The following NLRP8 variants were observed in gnomAD, a reference collection of about 807,000 sequenced individuals.
NLRP8 encodes the protein NACHT, LRR and PYD domains-containing protein 8.
A neutral mutation model predicts 88.7 loss-of-function variants in NLRP8; 86 were observed. The ratio of observed to expected loss-of-function variants is 0.97; its 90% CI spans 0.81 to 1.16. The LOEUF is 1.16. Ranked by LOEUF, NLRP8 falls within the 50% of genes most tolerant of loss-of-function variation. The pLI is 0.00. For missense variants in NLRP8, 1,342 were observed against 1,286.5 expected, an observed-to-expected ratio of 1.04 and a Z score of -0.66; for synonymous variants, 504 against 494.6, an observed-to-expected ratio of 1.02 and a Z score of -0.25.
At chr19:55,972,695 T>C (rs999383096) in intron 6 of NLRP8, among the ~76,000 whole-genome samples, 1 of 152,042 alleles carries the variant, frequency 6.6e-6, no homozygotes, top group Non-Finnish European at 1.5e-5. Context: ...TTTCCATTCC[T>C]GAGTTACTTC....
intron 9 of NLRP8, among the ~76,000 whole-genome samples, chr19:55,984,900 C>T (rs1600321083): frequency 6.6e-6 from 1 of 152,322 alleles, no homozygotes; most frequent in East Asian, 1.9e-4. Flanking sequence ...AATGGGAACA[C>T]TGTCTTTCAA....
intron 3 of NLRP8, among the ~76,000 whole-genome samples, chr19:55,958,842 C>T (rs1326950198): frequency 3.4e-5 from 5 of 147,742 alleles, no homozygotes; most frequent in African/African-American, 1.0e-4. Context: ...TGAGCCACCG[C>T]GTCCAGCCAG....
Position 55,955,174 on chromosome 19 carries a change from C to G in NLRP8, c.1116C>G (p.His372Gln), listed in dbSNP as rs747700093. 2 of 1,614,094 alleles carry G rather than the reference C, an allele frequency of 1.2e-6. No individual in the cohort carries two copies. Among genetic ancestry groups the G allele is most frequent in the Non-Finnish European group, 1.7e-6 (2 of 1,179,954 alleles). ...AGTATTTCCAGATGTATTTTGGACA[C>G]ACAGAGGAGGGAGACCAAGTCTTGA... is the stretch of plus-strand genomic sequence containing the variant. The change falls in exon 3 of 10, where the codon CAC (histidine) becomes CAG (glutamine). Residue 372 changes from histidine (H) to glutamine (Q), a missense_variant. His to Gln is a conservative substitution (Grantham distance 24). Transcript: ENST00000291971.
chr19:55,979,092 C>T (rs1338566289), intron 8 of NLRP8, among the ~76,000 whole-genome samples: 2 of 152,128 alleles, frequency 1.3e-5, no homozygotes, highest in African/African-American at 4.8e-5. Flanking sequence ...ACTCTTGTGT[C>T]AAAAATGTCC....
At chr19:55,968,037 T>C (rs1979918444) in intron 5 of NLRP8, among the ~76,000 whole-genome samples, 1 of 152,236 alleles carries the variant, frequency 6.6e-6, no homozygotes, top group Non-Finnish European at 1.5e-5. Context: ...GGTAAACAAA[T>C]GGATACAGCT....
intron 3 of NLRP8, among the ~76,000 whole-genome samples, chr19:55,959,980 G>A (rs1979540419): frequency 6.6e-6 from 1 of 152,088 alleles, no homozygotes; most frequent in Non-Finnish European, 1.5e-5. Flanking sequence ...GGCTTGGGGG[G>A]TTCTTTCAGA....
At chr19:55,969,641 C>T (rs1319356553) in intron 5 of NLRP8, among the ~76,000 whole-genome samples, 6 of 150,742 alleles carry the variant, frequency 4.0e-5, no homozygotes, top group South Asian at 2.1e-4. Flanking sequence ...ATTGCTGGAT[C>T]GAATGGTAGT....
intron 2 of NLRP8, among the ~76,000 whole-genome samples, chr19:55,953,740 G>A (rs915847400): frequency 5.0e-5 from 7 of 140,658 alleles, no homozygotes; most frequent in Non-Finnish European, 9.1e-5. Flanking sequence ...CCTCGTGCCC[G>A]CCTCGGCCTC....
intron 1 of NLRP8, among the ~76,000 whole-genome samples, chr19:55,949,997 G>C (rs1323587942): frequency 1.3e-5 from 2 of 152,210 alleles, no homozygotes; most frequent in Non-Finnish European, 2.9e-5. Flanking sequence ...CTCATCATGT[G>C]AAAAGGAGAG....
At chr19:55,970,767 T>C in intron 6 of NLRP8, 71 bp downstream of exon 6, 1 of 1,589,892 alleles carries the variant, frequency 6.3e-7, no homozygotes, top group Non-Finnish European at 8.6e-7. Context: ...TTAGTGCTTC[T>C]GTGAGAAAAG....
chr19:55,964,787 AC>A (rs147519882), intron 4 of NLRP8, among the ~76,000 whole-genome samples: 1,735 of 151,936 alleles, frequency 0.011, 34 homozygotes, highest in African/African-American at 0.04. Flanking sequence ...CTAGTTAGCC[AC>A]CTCCGTTGTG....
rs74179653 is a variant in NLRP8, at chr19:55,986,509, C to CACACACAT, written c.3048-1305_3048-1304insACACACAT. Among the ~76,000 whole-genome samples, 3 of 145,734 alleles carry CACACACAT rather than the reference C, an allele frequency of 2.1e-5. No individual in the cohort carries two copies. The East Asian group carries it at 6.2e-4, about 30-fold the overall frequency. ...ACACACACACACACACACACACACA[C>CACACACAT]TAATTGCTTCAGGACAGCCAGCTGA... On this transcript the variant is annotated intron_variant, in intron 9 of 9. Coordinates refer to ENST00000291971, the MANE Select transcript of NLRP8 (RefSeq NM_176811.2).
chr19:55,978,186 T>C (rs547092038), intron 8 of NLRP8, among the ~76,000 whole-genome samples: 2 of 152,312 alleles, frequency 1.3e-5, no homozygotes, highest in East Asian at 3.9e-4. Context: ...GGTTTGCTGT[T>C]TAATTTAATT....
At position 55,957,987 on chromosome 19, in the gene NLRP8, A is replaced by C. The variant is rs1351911765; in HGVS notation, c.2042+1887A>C. Reference sequence around the variant, plus strand: ...TTGCCATATAGCAGACACAATGTCAAGCACTTGCTTTATGTGAATTATTTC... The same window carrying C: ...TTGCCATATAGCAGACACAATGTCACGCACTTGCTTTATGTGAATTATTTC... On this transcript the variant is annotated intron_variant, in intron 3 of 9. Coordinates refer to ENST00000291971, the MANE Select transcript of NLRP8 (RefSeq NM_176811.2). 2.0e-5 allele frequency among the ~76,000 whole-genome samples: 3 copies of C among 152,178 alleles called. No individual in the cohort carries two copies. The East Asian group carries it at 5.8e-4, about 29-fold the overall frequency.
At chr19:55,979,715 C>T in intron 9 of NLRP8, 151 bp downstream of exon 9, 1 of 796,328 alleles carries the variant, frequency 1.3e-6, no homozygotes, top group Non-Finnish European at 2.0e-6. Flanking sequence ...GTCTGGAGTT[C>T]AGACCAGCCT....
chr19:55,967,778 G>A (rs902220880), intron 5 of NLRP8, among the ~76,000 whole-genome samples: 5 of 152,228 alleles, frequency 3.3e-5, no homozygotes, highest in African/African-American at 1.2e-4. Context: ...GGAATTTCAT[G>A]AGCCAGTTGT....
intron 4 of NLRP8, among the ~76,000 whole-genome samples, chr19:55,965,473 C>A (rs1281697912): frequency 6.6e-6 from 1 of 151,548 alleles, no homozygotes; most frequent in African/African-American, 2.4e-5. Context: ...AAAAGCTAAG[C>A]TTTGTTATTA....
intron 1 of NLRP8, among the ~76,000 whole-genome samples, chr19:55,951,980 T>C (rs770942305): frequency 5.9e-5 from 9 of 151,960 alleles, no homozygotes; most frequent in African/African-American, 2.2e-4. Context: ...TCGAACTCCT[T>C]GGCTCAAGCA....
intron 3 of NLRP8, among the ~76,000 whole-genome samples, chr19:55,959,965 A>C (rs1286059407): frequency 6.6e-6 from 1 of 152,124 alleles, no homozygotes; most frequent in Non-Finnish European, 1.5e-5. Context: ...CTGCTAAATC[A>C]TGGAGGCTTG....
Sources: allele counts gnomAD v4.1 joint callset (sites outside exome capture counted in the v4.1 genomes callset), GRCh38; gene constraint gnomAD v4.1.1; transcripts MANE v1.5; gene names NCBI Gene and HGNC (gene_info 2026-07-23, HGNC 2026-07-21).